The following BHMT2 variants were observed in gnomAD, a reference collection of about 807,000 sequenced individuals.
The protein encoded by BHMT2 is betaine--homocysteine S-methyltransferase 2.
In BHMT2, 28 loss-of-function variants were observed where a neutral mutation model predicts 39.0. The ratio of observed to expected loss-of-function variants is 0.72; its 90% confidence interval spans 0.53 to 0.98. The LOEUF is 0.98. Ranked by LOEUF, BHMT2 falls within the 50% of genes least tolerant of loss-of-function variation. The probability of loss-of-function intolerance (pLI) is 0.00; values close to 1 mark genes in which losing one functional copy is unlikely to be tolerated. For missense variants in BHMT2, 410 were observed against 455.6 expected (o/e 0.90, Z 0.91); for synonymous variants, 145 against 160.6 (o/e 0.90, Z 0.74).
rs746866929 is a variant in BHMT2, at chr5:79,080,893, G to A, written c.450+15G>A. 1 of 1,550,766 alleles carries A rather than the reference G, an allele frequency of 6.4e-7. No homozygotes were observed. Among genetic ancestry groups the A allele is most frequent in the Non-Finnish European group, 8.7e-7 (1 of 1,155,000 alleles). On this transcript the variant is annotated intron_variant, in intron 4 of 7. Transcript: ENST00000255192. ...TGATTGCAGAGGTGAGGCTAGTATT[G>A]GAGGAAAAGGATTGAACCTATTTTG...
chr5:79,085,126 G>A (rs1755868037), intron 7 of BHMT2, among the ~76,000 whole-genome samples: 1 of 151,944 alleles, frequency 6.6e-6, no homozygotes, highest in African/African-American at 2.4e-5. Flanking sequence ...TTCTCTGTAG[G>A]TTGATCCTAA....
chr5:79,077,059 G>C (rs937029713), intron 1 of BHMT2, among the ~76,000 whole-genome samples: 7 of 152,196 alleles, frequency 4.6e-5, no homozygotes, highest in African/African-American at 1.7e-4. Flanking sequence ...TCACTGGCCA[G>C]CACTGTGTCA....
intron 7 of BHMT2, among the ~76,000 whole-genome samples, chr5:79,086,134 C>T (rs1755889054): frequency 6.6e-6 from 1 of 152,196 alleles, no homozygotes; most frequent in Admixed American, 6.5e-5. Flanking sequence ...CCAGGTCACT[C>T]CAGATATACT....
chr5:79,069,901 C>A, intron 1 of BHMT2, 86 bp downstream of exon 1: 11 of 1,274,564 alleles, frequency 8.6e-6, no homozygotes, highest in South Asian at 2.6e-5. Context: ...CATCCCTAGC[C>A]AAGCCCTGGG....
chr5:79,070,250 C>T (rs1755534017), intron 1 of BHMT2, among the ~76,000 whole-genome samples: 1 of 152,206 alleles, frequency 6.6e-6, no homozygotes, highest in Non-Finnish European at 1.5e-5. Context: ...CGGACTGTCC[C>T]CTCGCGTTTT....
chr5:79,073,953 G>A (rs1307544053), intron 1 of BHMT2, among the ~76,000 whole-genome samples: 1 of 152,178 alleles, frequency 6.6e-6, no homozygotes, highest in Non-Finnish European at 1.5e-5. Context: ...GCACCAGTAT[G>A]AGTCTGGGAA....
chr5:79,081,058 C>T, intron 4 of BHMT2, 180 bp downstream of exon 4: 3 of 560,002 alleles, frequency 5.4e-6, no homozygotes, highest in Middle Eastern at 3.3e-4. Context: ...ATGCTAGGTT[C>T]TCTTAGAGCC....
At chr5:79,071,433 G>C in intron 1 of BHMT2, among the ~76,000 whole-genome samples, 1 of 152,208 alleles carries the variant, frequency 6.6e-6, no homozygotes, top group East Asian at 1.9e-4. Flanking sequence ...GTCTTACGTA[G>C]TGATATCTGC....
chr5:79,070,045 T>C (rs539442149), intron 1 of BHMT2, among the ~76,000 whole-genome samples: 34 of 152,362 alleles, frequency 2.2e-4, no homozygotes, highest in African/African-American at 8.2e-4. Flanking sequence ...TCTCCTCATC[T>C]TCACAATTAT....
chr5:79,074,561 A>G lies in BHMT2; in HGVS notation c.34-2919A>G, dbSNP rs76923252. ...GGGAAAAGATTGAAGAAAATAGTAT[A>G]TCAAGCAATATGGCCAAAATGTGTT... On this transcript the variant is annotated intron_variant, in intron 1 of 7. Transcript: ENST00000255192. Among the ~76,000 whole-genome samples, 1,056 of 152,354 alleles carry G rather than the reference A, an allele frequency of 6.9e-3. 13 individuals carry two copies. The highest frequency in any genetic ancestry group is 0.025 in the African/African-American group (1,019 of 41,576).
At chr5:79,079,075 CT>C (rs1461412750) in intron 2 of BHMT2, among the ~76,000 whole-genome samples, 1 of 152,230 alleles carries the variant, frequency 6.6e-6, no homozygotes, top group Non-Finnish European at 1.5e-5. Context: ...GAATAAACCT[CT>C]CTAGACCAAG....
At chr5:79,085,541 C>A (rs1007713453) in intron 7 of BHMT2, among the ~76,000 whole-genome samples, 1 of 152,034 alleles carries the variant, frequency 6.6e-6, no homozygotes, top group African/African-American at 2.4e-5. Context: ...GTTAGCCTGG[C>A]GTGGTGGCGG....
chr5:79,085,845 C>T (rs1755882657), intron 7 of BHMT2, among the ~76,000 whole-genome samples: 1 of 152,230 alleles, frequency 6.6e-6, no homozygotes, highest in Non-Finnish European at 1.5e-5. Context: ...CGCTGCTTCT[C>T]TTTCTCTGTT....
intron 1 of BHMT2, 59 bp downstream of exon 1, chr5:79,069,874 C>T: frequency 7.5e-6 from 10 of 1,325,242 alleles, no homozygotes; most frequent in Non-Finnish European, 9.7e-6. Flanking sequence ...CGAGCGACTC[C>T]GTTCACACCC....
At chr5:79,081,195 C>A (rs1160253948) in intron 4 of BHMT2, among the ~76,000 whole-genome samples, 3 of 152,128 alleles carry the variant, frequency 2.0e-5, no homozygotes, top group Non-Finnish European at 4.4e-5. Context: ...TCCGGGAGCA[C>A]CCTCTCCAGA....
In BHMT2 at chr5:79,088,604, C is replaced by T. The variant is rs1457760021; in HGVS notation, c.*30C>T. ...TAGTGAAAGAAAACCCTGAAATAAT[C>T]GAACAGGAAAAAGTTGCCCTCAAGC... On this transcript the variant is annotated 3_prime_UTR_variant, in exon 8 of 8. Transcript: ENST00000255192. 1.9e-6 allele frequency: 3 copies of T among 1,600,674 alleles called. No individual in the cohort carries two copies. The highest frequency in any genetic ancestry group is 1.3e-5 in the African/African-American group (1 of 74,546).
intron 7 of BHMT2, among the ~76,000 whole-genome samples, chr5:79,087,171 T>C (rs1755918196): frequency 1.3e-5 from 2 of 151,586 alleles, no homozygotes; most frequent in South Asian, 4.2e-4. Context: ...TATTTATTCA[T>C]TTCAGTGGGA....
At chr5:79,081,536 C>A (rs1182512572) in intron 4 of BHMT2, among the ~76,000 whole-genome samples, 1 of 152,152 alleles carries the variant, frequency 6.6e-6, no homozygotes, top group African/African-American at 2.4e-5. Context: ...TGGGGTCATG[C>A]CTTCAACCCA....
At chr5:79,081,414 G>C (rs1290934861) in intron 4 of BHMT2, among the ~76,000 whole-genome samples, 1 of 152,214 alleles carries the variant, frequency 6.6e-6, no homozygotes, top group African/African-American at 2.4e-5. Context: ...TTTGAAGAAA[G>C]AATCAGTAAG....
Sources: gnomAD v4.1 joint callset for allele counts (sites outside exome capture counted in the v4.1 genomes callset) on GRCh38, gnomAD v4.1.1 for gene constraint, MANE v1.5 for transcripts, NCBI Gene and HGNC (gene_info 2026-07-23, HGNC 2026-07-21) for gene names.